The following NFXL1 variants were observed in gnomAD, a reference collection of about 807,000 sequenced individuals.
The protein encoded by NFXL1 is nuclear transcription factor, X-box binding like 1.
NFXL1 carries 66 observed loss-of-function variants against 123.3 expected under a neutral mutation model. The observed-to-expected ratio is 0.54, with a 90% CI of 0.44 to 0.66. The LOEUF is 0.66. NFXL1 is among the 30% of genes least tolerant of loss of function. The pLI, the probability that NFXL1 is intolerant of heterozygous loss-of-function variation, is 0.00. For missense variants in NFXL1, 944 were observed against 1,125.6 expected (o/e 0.84, Z 2.31); for synonymous variants, 346 against 360.8 (o/e 0.96, Z 0.46).
At chr4:47,896,350 G>A (rs573183008) in intron 10 of NFXL1, among the ~76,000 whole-genome samples, 173 bp downstream of exon 10, 8 of 152,292 alleles carry the variant, frequency 5.3e-5, no homozygotes, top group Admixed American at 2.6e-4. Context: ...GCAATAAAAC[G>A]TGGTATGCCT....
At chr4:47,912,579 C>A (rs957400151) in intron 2 of NFXL1, among the ~76,000 whole-genome samples, 2 of 150,030 alleles carry the variant, frequency 1.3e-5, no homozygotes, top group African/African-American at 4.9e-5. Context: ...CTTCCTCAGC[C>A]TCCCGAGTAG....
At chr4:47,858,976 G>A (rs1020898857) in intron 19 of NFXL1, among the ~76,000 whole-genome samples, 1 of 152,118 alleles carries the variant, frequency 6.6e-6, no homozygotes, top group African/African-American at 2.4e-5. Flanking sequence ...CAAAAGCCAG[G>A]TTATATTCTG....
At chr4:47,855,254 T>C in intron 19 of NFXL1, 91 bp from the exon 20 acceptor site, 1 of 663,232 alleles carries the variant, frequency 1.5e-6, no homozygotes, top group Non-Finnish European at 2.6e-6. Context: ...AGAGAGTCCA[T>C]CACACAAAGG....
intron 12 of NFXL1, 60 bp downstream of exon 12, chr4:47,890,553 T>C: frequency 1.1e-6 from 1 of 870,288 alleles, no homozygotes; most frequent in Non-Finnish European, 1.9e-6. Context: ...ATATTGACAA[T>C]GAAAAAAAAA....
chr4:47,874,598 T>C (rs1037255504), intron 18 of NFXL1, among the ~76,000 whole-genome samples: 1 of 152,090 alleles, frequency 6.6e-6, no homozygotes, highest in African/African-American at 2.4e-5. Flanking sequence ...ATAACAGATA[T>C]GAAATGAAAA....
chr4:47,887,094 A>G, intron 12 of NFXL1, among the ~76,000 whole-genome samples: 1 of 152,206 alleles, frequency 6.6e-6, no homozygotes, highest in Non-Finnish European at 1.5e-5. Flanking sequence ...TGGCAAAAAT[A>G]TAAAAAAACA....
chr4:47,896,796 T>A, intron 9 of NFXL1, 149 bp from the exon 10 acceptor site: 1 of 566,320 alleles, frequency 1.8e-6, no homozygotes, highest in Non-Finnish European at 3.1e-6. Context: ...AAATTAACTT[T>A]AATGAAAATA....
Position 47,855,146 on chromosome 4 carries a change from T to C in NFXL1, c.2334A>G (p.Arg778=). Residue 778 remains arginine, a synonymous_variant, in exon 20 of 23, where the codon AGA becomes AGG. Transcript: ENST00000507489. Reference sequence around the variant, plus strand: ...CACCAGGATGACACATCTCTTTGCATCTATGACCACAAGGAAGCTAAAATA... The same window carrying C: ...CACCAGGATGACACATCTCTTTGCACCTATGACCACAAGGAAGCTAAAATA... ...QCPKELPCGH[R]CKEMCHPGEC... is the part of the protein sequence containing the mutation. 6.3e-7 allele frequency: 1 copy of C among 1,584,094 alleles called. No homozygotes were observed.
intron 2 of NFXL1, among the ~76,000 whole-genome samples, chr4:47,911,842 G>GTGT (rs946054932): frequency 1.5e-4 from 23 of 152,290 alleles, no homozygotes; most frequent in African/African-American, 5.5e-4. Context: ...CAAGCACTAA[G>GTGT]TGTTAATAAG....
intron 2 of NFXL1, among the ~76,000 whole-genome samples, chr4:47,911,431 T>C (rs1737823428): frequency 6.6e-6 from 1 of 152,166 alleles, no homozygotes; most frequent in Non-Finnish European, 1.5e-5. Flanking sequence ...CAAACTACCG[T>C]CTTCTGAACA....
At chr4:47,909,274 G>A (rs1281107880) in intron 3 of NFXL1, among the ~76,000 whole-genome samples, 1 of 152,186 alleles carries the variant, frequency 6.6e-6, no homozygotes, top group Non-Finnish European at 1.5e-5. Flanking sequence ...TGATTCAAGT[G>A]TCAATGTTCT....
intron 17 of NFXL1, 49 bp downstream of exon 17, chr4:47,878,476 C>A: frequency 1.5e-6 from 2 of 1,363,694 alleles, no homozygotes; most frequent in Non-Finnish European, 2.0e-6. Flanking sequence ...GTTGAAAAAA[C>A]GTTTCAAGAA....
At chr4:47,869,309 A>G (rs1735291131) in intron 18 of NFXL1, among the ~76,000 whole-genome samples, 1 of 152,226 alleles carries the variant, frequency 6.6e-6, no homozygotes, top group Non-Finnish European at 1.5e-5. Context: ...AAGCTACTGT[A>G]TTAAAACATG....
At position 47,874,791 on chromosome 4, in the gene NFXL1, A is replaced by C. The variant is rs117312872; in HGVS notation, c.2246+336T>G. 3.7e-4 allele frequency among the ~76,000 whole-genome samples: 57 copies of C among 152,364 alleles called. No homozygotes were observed. The East Asian group carries it at 0.011, about 29-fold the overall frequency. ...TAAAACAAGGTGTGCCTGTATGTAC[A>C]AGTCAAATTTTGATTGAAAAAAATT... On this transcript the variant is annotated intron_variant, in intron 18 of 22. Transcript: ENST00000507489.
At position 47,914,489 on chromosome 4, in the gene NFXL1, A is replaced by G. The variant is rs576357318; in HGVS notation, c.-127T>C. The stretch of plus-strand genomic sequence containing the variant: ...TGCCGAAGACAGAAAGCCGGAGGAG[A>G]AGTCGAAACCGCCTCCTCAGCCTCT... On this transcript the variant is annotated 5_prime_UTR_variant, in exon 1 of 23. Coordinates refer to ENST00000507489, the MANE Select transcript of NFXL1 (RefSeq NM_001278624.2). 107 of 366,048 alleles carry G rather than the reference A, an allele frequency of 2.9e-4. No homozygotes were observed. Among genetic ancestry groups the G allele is most frequent in the Middle Eastern group, 1.4e-3 (2 of 1,432 alleles). 22.7% of individuals were successfully genotyped at this position (366,048 alleles called of 1,614,324 possible).
At chr4:47,913,002 ACT>A (rs1295713489) in intron 2 of NFXL1, among the ~76,000 whole-genome samples, 5 of 108,602 alleles carry the variant, frequency 4.6e-5, no homozygotes, top group Non-Finnish European at 7.5e-5. Context: ...GACCAGCGAG[ACT>A]CTGTCTCAAA....
At chr4:47,899,693 G>A in intron 5 of NFXL1, 145 bp from the exon 6 acceptor site, 1 of 603,562 alleles carries the variant, frequency 1.7e-6, no homozygotes, top group South Asian at 2.2e-5. Context: ...GAAAAAACAA[G>A]ATCTTATTAA....
intron 4 of NFXL1, among the ~76,000 whole-genome samples, chr4:47,903,684 T>TA (rs1410442308): frequency 2.0e-5 from 3 of 152,146 alleles, no homozygotes; most frequent in African/African-American, 7.2e-5. Context: ...TATTTATAGC[T>TA]ATACATTACA....
chr4:47,871,317 C>T (rs1431402230), intron 18 of NFXL1, among the ~76,000 whole-genome samples: 1 of 149,980 alleles, frequency 6.7e-6, no homozygotes, highest in Non-Finnish European at 1.5e-5. Context: ...TGCCACTGCA[C>T]TCCAGCCTGG....
Sources: gnomAD v4.1 joint callset for allele counts (sites outside exome capture counted in the v4.1 genomes callset) on GRCh38, gnomAD v4.1.1 for gene constraint, MANE v1.5 for transcripts, NCBI Gene and HGNC (gene_info 2026-07-23, HGNC 2026-07-21) for gene names.